Variants in CACNA1B observed in about 807,000 individuals in gnomAD.
The protein encoded by CACNA1B is voltage-dependent N-type calcium channel subunit alpha-1B.
Under a neutral mutation model 247.2 loss-of-function variants are expected in CACNA1B, and 70 were observed. The ratio of observed to expected loss-of-function variants is 0.28; its 90% CI spans 0.23 to 0.35. The LOEUF is 0.35. CACNA1B is among the 10% of genes least tolerant of loss of function. The pLI is 1.00. For missense variants in CACNA1B, 2,367 were observed against 3,197.4 expected (o/e 0.74, Z 6.26); for synonymous variants, 1,231 against 1,294.4 (o/e 0.95, Z 1.05).
In CACNA1B at chr9:138,120,786, C is replaced by T. The variant is rs952939628; in HGVS notation, c.6394C>T (p.Arg2132Cys). The T allele has an allele frequency of 1.7e-5, 26 of 1,554,280 alleles. No homozygotes were observed. The highest frequency in any genetic ancestry group is 4.0e-5 in the Admixed American group (2 of 50,516). The change falls in exon 46 of 47, where the codon CGC becomes TGC. Residue 2132 changes from arginine (R) to cysteine (C), a missense_variant. Physicochemically the swap from Arg to Cys is radical, Grantham distance 180. Around this residue, in one of 12 missense-constraint regions of CACNA1B, gnomAD observed 773 missense variants for 779.4 expected, o/e 0.99. Transcript: ENST00000371372. ...SEKQRFYSCD[R>C]FGGREPPKPK... ...GAAGCAGCGCTTCTACTCCTGCGAC[C>T]GCTTTGGGGGCCGTGAGCCCCCGAA...
At chr9:138,035,614 A>C (rs1241346092) in intron 20 of CACNA1B, among the ~76,000 whole-genome samples, 2 of 151,928 alleles carry the variant, frequency 1.3e-5, no homozygotes, top group Non-Finnish European at 2.9e-5. Context: ...TTCCCTTGAT[A>C]AGCCCTTTTT....
intron 18 of CACNA1B, among the ~76,000 whole-genome samples, chr9:138,015,705 G>C (rs1208977984): frequency 1.3e-5 from 2 of 152,250 alleles, no homozygotes; most frequent in Non-Finnish European, 2.9e-5. Context: ...GCTTGACACA[G>C]ACGGTGCCAG....
chr9:138,068,626 C>T (rs771526991), intron 31 of CACNA1B: 2 of 518,842 alleles, frequency 3.9e-6, no homozygotes, highest in Non-Finnish European at 7.7e-6. Flanking sequence ...AATCTTTATT[C>T]ATCAAATACA....
chr9:137,990,005 A>G lies in CACNA1B; in HGVS notation c.1974+3151A>G, dbSNP rs772467986. 6.6e-5 allele frequency among the ~76,000 whole-genome samples: 10 copies of G among 152,174 alleles called. No homozygotes were observed. Among genetic ancestry groups the G allele is most frequent in the Non-Finnish European group, 1.5e-4 (10 of 68,022 alleles). ...AGAACAGCGTCTGGAGACTCACATC[A>G]TGAACTTTTGCTCCAAGAACTACCA... is the stretch of plus-strand genomic sequence containing the variant. On this transcript the variant is annotated intron_variant, in intron 15 of 46. Transcript: ENST00000371372. The surrounding 1 kb of genome is among the most constrained non-coding windows in gnomAD (Gnocchi z 4.5).
Position 138,043,716 on chromosome 9 carries a change from C to G in CACNA1B, c.3287-58C>G, listed in dbSNP as rs1216342584. ...GGGCATGGGAGCTGGGAGGGAGCCA[C>G]GCAACGTGGGCTTCATGTGCACTAC... On this transcript the variant is annotated intron_variant, in intron 20 of 46. Transcript: ENST00000371372. 6 of 1,601,158 alleles carry G rather than the reference C, an allele frequency of 3.7e-6. No homozygotes were observed. In the East Asian group the frequency reaches 6.7e-5, roughly 18 times the overall value.
chr9:138,028,148 G>A (rs980695386), intron 20 of CACNA1B, among the ~76,000 whole-genome samples: 5 of 147,652 alleles, frequency 3.4e-5, no homozygotes, highest in Non-Finnish European at 1.5e-5. Context: ...TCAGCCTCTC[G>A]AGTAGCTGGG....
chr9:138,022,525 G>A (rs1006304516), intron 18 of CACNA1B, among the ~76,000 whole-genome samples: 2 of 152,144 alleles, frequency 1.3e-5, no homozygotes, highest in Admixed American at 6.5e-5. Flanking sequence ...CTGGAGAAGG[G>A]GCCGCGTGTC....
chr9:137,925,789 C>T (rs571063591), intron 6 of CACNA1B, among the ~76,000 whole-genome samples: 22 of 151,276 alleles, frequency 1.5e-4, no homozygotes, highest in Non-Finnish European at 2.5e-4. Context: ...GTCGCCCAGG[C>T]TGGAGTGCAG....
chr9:138,109,667 TG>T (rs1454140267), intron 39 of CACNA1B, among the ~76,000 whole-genome samples: 2 of 152,258 alleles, frequency 1.3e-5, no homozygotes, highest in East Asian at 1.9e-4. Context: ...ACATGTGGAC[TG>T]GAGTTGGGGA....
chr9:137,992,275 G>A (rs918615988), intron 15 of CACNA1B, among the ~76,000 whole-genome samples: 1 of 152,182 alleles, frequency 6.6e-6, no homozygotes, highest in Non-Finnish European at 1.5e-5. Flanking sequence ...CTAAAAGCGA[G>A]CAGGAATAGC....
intron 3 of CACNA1B, among the ~76,000 whole-genome samples, chr9:137,897,509 G>A (rs1294985048): frequency 6.6e-6 from 1 of 152,044 alleles, no homozygotes; most frequent in African/African-American, 2.4e-5. Flanking sequence ...GAACCCGGAA[G>A]GTAGAGGTTG....
chr9:137,916,082 G>A (rs1405347827), intron 5 of CACNA1B, among the ~76,000 whole-genome samples: 1 of 149,764 alleles, frequency 6.7e-6, no homozygotes, highest in African/African-American at 2.5e-5. Flanking sequence ...GCCCAGGCTG[G>A]GGGGCAGTGG....
intron 20 of CACNA1B, chr9:138,032,696 G>C: frequency 2.2e-6 from 1 of 453,520 alleles, no homozygotes; most frequent in South Asian, 1.6e-5. Context: ...TGAAAAAAAC[G>C]TGTGCCTCTT....
chr9:137,931,394 A>G (rs1262179928), intron 6 of CACNA1B, among the ~76,000 whole-genome samples: 1 of 151,526 alleles, frequency 6.6e-6, no homozygotes, highest in Non-Finnish European at 1.5e-5. Context: ...GGTACTTTCC[A>G]TTTTTCGTCT....
In CACNA1B at chr9:138,022,123, C is replaced by T. The variant is rs545625305; in HGVS notation, c.2268-888C>T. ...ACATTGGAGTAGGGGTCAAGGCCTT[C>T]GGTAGCCCATGCAGTGAGGGCCGAG... On this transcript the variant is annotated intron_variant, in intron 18 of 46. Transcript: ENST00000371372. Among the ~76,000 whole-genome samples the T allele has an allele frequency of 2.1e-3, 315 of 152,294 alleles. 1 individual carries two copies. The highest frequency in any genetic ancestry group is 7.2e-3 in the African/African-American group (301 of 41,556).
intron 20 of CACNA1B, among the ~76,000 whole-genome samples, chr9:138,025,614 A>G (rs1342309784): frequency 3.9e-5 from 6 of 152,100 alleles, no homozygotes; most frequent in Non-Finnish European, 1.5e-5. Flanking sequence ...GCGTCTGCCC[A>G]TTTGTTCATG....
chr9:137,901,058 C>G (rs1957233291), intron 3 of CACNA1B, among the ~76,000 whole-genome samples: 1 of 142,538 alleles, frequency 7.0e-6, no homozygotes, highest in Non-Finnish European at 1.5e-5. Flanking sequence ...GTCCGTGTGT[C>G]TGTGCTGTGT....
rs1027260497 is a variant in CACNA1B at position 138,006,823 on chromosome 9, C to T, written c.2031C>T (p.Gly677=). ...AVMYHGIESQ[G]GVSKGMFSSF... ...TGTATCACGGGATCGAATCGCAAGG[C>T]GGCGTCAGCAAAGGCATGTTCTCGT... The change falls in exon 16 of 47, where the codon GGC becomes GGT. Residue 677 remains glycine, a synonymous_variant. Coordinates refer to ENST00000371372, the MANE Select transcript of CACNA1B (RefSeq NM_000718.4). 5.0e-6 allele frequency: 8 copies of T among 1,611,278 alleles called. No homozygotes were observed. The highest frequency in any genetic ancestry group is 1.7e-5 in the Admixed American group (1 of 59,984).
intron 6 of CACNA1B, among the ~76,000 whole-genome samples, chr9:137,942,624 G>GACT (rs200819593): frequency 0.02 from 2,994 of 152,304 alleles, 66 homozygotes; most frequent in African/African-American, 0.053. Flanking sequence ...ATATATGATG[G>GACT]ACTACTACTC....
Sources: allele counts gnomAD v4.1 joint callset (sites outside exome capture counted in the v4.1 genomes callset), GRCh38; gene constraint gnomAD v4.1.1; regional missense constraint gnomAD v4.1.1; non-coding constraint Gnocchi (gnomAD v3.1); transcripts MANE v1.5; gene names NCBI Gene and HGNC (gene_info 2026-07-23, HGNC 2026-07-21).